Variants in VPS37C observed in about 807,000 individuals in gnomAD.
VPS37C encodes VPS37C subunit of ESCRT-I.
VPS37C carries 9 observed loss-of-function variants against 16.1 expected under a neutral mutation model. The ratio of observed to expected loss-of-function variants is 0.56; its 90% CI spans 0.34 to 0.97. The LOEUF is 0.97. Among genes scored for constraint, VPS37C ranks in the 50% least tolerant of loss-of-function variants. VPS37C has a pLI of 0.02. For synonymous variants in VPS37C, 207 were observed against 206.4 expected (o/e 1.00, Z -0.02); for missense variants, 479 against 472.7 (o/e 1.01, Z -0.12).
intron 1 of VPS37C, among the ~76,000 whole-genome samples, chr11:61,151,263 C>T (rs593276): frequency 0.74 from 113,050 of 152,140 alleles, 43,526 homozygotes; most frequent in East Asian, 1. Flanking sequence ...TCTGTTCTAT[C>T]TTGTTCAGAA....
chr11:61,134,534 A>T (rs1467283995), intron 2 of VPS37C, among the ~76,000 whole-genome samples: 1 of 152,244 alleles, frequency 6.6e-6, no homozygotes, highest in Non-Finnish European at 1.5e-5. Context: ...GGACCAATTT[A>T]CATGAGAAAA....
At chr11:61,159,901 C>CAAAAAA (rs35953020) in intron 1 of VPS37C, among the ~76,000 whole-genome samples, 1 of 49,542 alleles carries the variant, frequency 2.0e-5, no homozygotes. Context: ...GACTCCGTCT[C>CAAAAAA]AAAAAAAAAA....
intron 2 of VPS37C, among the ~76,000 whole-genome samples, chr11:61,135,527 G>A (rs762038337): frequency 6.6e-6 from 1 of 152,198 alleles, no homozygotes; most frequent in Non-Finnish European, 1.5e-5. Flanking sequence ...TCAAACTCCT[G>A]AGCTCGAGCA....
chr11:61,133,892 A>C, intron 3 of VPS37C, 144 bp downstream of exon 3: 1 of 964,782 alleles, frequency 1.0e-6, no homozygotes, highest in Non-Finnish European at 1.5e-6. Flanking sequence ...TTTCTTACCT[A>C]TAAAATGGAG....
chr11:61,137,201 C>T (rs1272581351), intron 2 of VPS37C, among the ~76,000 whole-genome samples: 1 of 152,130 alleles, frequency 6.6e-6, no homozygotes, highest in Non-Finnish European at 1.5e-5. Context: ...TAGCCGTGTC[C>T]ATGTCCCGAA....
chr11:61,160,259 T>G (rs546198740), intron 1 of VPS37C, among the ~76,000 whole-genome samples: 1 of 152,082 alleles, frequency 6.6e-6, no homozygotes, highest in South Asian at 2.1e-4. Context: ...GAACAAAGAC[T>G]CAGTTTAGCG....
intron 1 of VPS37C, 120 bp from the exon 2 acceptor site, chr11:61,138,955 C>T: frequency 4.5e-6 from 4 of 896,080 alleles, no homozygotes; most frequent in Non-Finnish European, 7.1e-6. Flanking sequence ...ACCACTCCAC[C>T]GGGAGGCTCG....
chr11:61,156,508 C>T (rs1387978728), intron 1 of VPS37C, among the ~76,000 whole-genome samples: 1 of 152,100 alleles, frequency 6.6e-6, no homozygotes, highest in African/African-American at 2.4e-5. Flanking sequence ...TCATTTGAAC[C>T]CAGGAGGAGG....
At chr11:61,160,362 GTCTT>G (rs1170265989) in intron 1 of VPS37C, among the ~76,000 whole-genome samples, 1 of 152,164 alleles carries the variant, frequency 6.6e-6, no homozygotes, top group African/African-American at 2.4e-5. Context: ...CAAAGTAAGA[GTCTT>G]TCTTTCCCCA....
chr11:61,132,971 A>T, intron 4 of VPS37C: 1 of 557,180 alleles, frequency 1.8e-6, no homozygotes, highest in South Asian at 1.9e-5. Flanking sequence ...TGGAGTAGGG[A>T]GCTGGCCTCA....
chr11:61,140,932 C>T (rs1212142426), intron 1 of VPS37C, among the ~76,000 whole-genome samples: 4 of 152,176 alleles, frequency 2.6e-5, no homozygotes, highest in African/African-American at 4.8e-5. Flanking sequence ...AGAGCCAGGT[C>T]GGACACGGTG....
At chr11:61,145,207 C>T (rs1853179761) in intron 1 of VPS37C, 3 of 152,232 alleles carry the variant, frequency 2.0e-5, no homozygotes, top group Admixed American at 2.0e-4. Context: ...TAAAATGAAT[C>T]CCAGAAAGAA....
intron 1 of VPS37C, among the ~76,000 whole-genome samples, chr11:61,143,028 C>T (rs1012541843): frequency 6.0e-5 from 9 of 149,324 alleles, no homozygotes; most frequent in African/African-American, 1.5e-4. Flanking sequence ...CAGACTGCCT[C>T]GGTATGAACC....
At chr11:61,151,703 G>A (rs12366221) in intron 1 of VPS37C, among the ~76,000 whole-genome samples, 3 of 152,138 alleles carry the variant, frequency 2.0e-5, no homozygotes, top group Non-Finnish European at 2.9e-5. Context: ...CCGTGTCAAC[G>A]CAGGACAGAG....
chr11:61,132,236 T>TG lies in VPS37C; in HGVS notation c.651dup (p.Thr218HisfsTer234). The TG allele has an allele frequency of 6.6e-7, 1 of 1,517,620 alleles. No homozygotes were observed. Among genetic ancestry groups the TG allele is most frequent in the Non-Finnish European group, 8.8e-7 (1 of 1,132,644 alleles). The allele number at this position is 1,517,620 out of a possible 1,614,324, so 94.0% of individuals were successfully genotyped here. A position where few individuals can be genotyped will look rare whatever the true frequency, so the allele number is the denominator to read the frequency against. On this transcript the variant is annotated frameshift_variant, in exon 5 of 5. Transcript: ENST00000301765. LOFTEE classifies it low-confidence loss of function (END_TRUNC). ...GCCGGTGGCAGGGCTCCATGGGCAG[T>TG]GGGGCCCACAGGCAGGCTGGGGGAT...
intron 1 of VPS37C, among the ~76,000 whole-genome samples, chr11:61,145,624 C>G (rs646955): frequency 0.57 from 87,108 of 152,132 alleles, 25,746 homozygotes; most frequent in East Asian, 0.99. Context: ...GAACAGGAAA[C>G]TCTTTTGCCC....
At chr11:61,150,408 C>A (rs1015308023) in intron 1 of VPS37C, among the ~76,000 whole-genome samples, 1 of 152,126 alleles carries the variant, frequency 6.6e-6, no homozygotes, top group Non-Finnish European at 1.5e-5. Flanking sequence ...GTCTTGCCCC[C>A]CTCCTCCCCT....
intron 1 of VPS37C, chr11:61,145,490 C>G (rs1418390545): frequency 6.6e-6 from 1 of 152,458 alleles, no homozygotes; most frequent in African/African-American, 2.4e-5. Flanking sequence ...CACAGCATCA[C>G]CCACCCCTGG....
chr11:61,141,126 T>C (rs1263834034), intron 1 of VPS37C, among the ~76,000 whole-genome samples: 1 of 152,192 alleles, frequency 6.6e-6, no homozygotes, highest in Admixed American at 6.5e-5. Context: ...CCCAGCACTT[T>C]GGAAGGCCAA....
Sources: allele counts gnomAD v4.1 joint callset (sites outside exome capture counted in the v4.1 genomes callset), GRCh38; gene constraint gnomAD v4.1.1; transcripts MANE v1.5; gene names NCBI Gene and HGNC (gene_info 2026-07-23, HGNC 2026-07-21).